Variants in RPS6KC1 observed in about 807,000 individuals in gnomAD.
The protein encoded by RPS6KC1 is inactive ribosomal protein S6 kinase delta-1.
In RPS6KC1, 54 loss-of-function variants were observed where a neutral mutation model predicts 103.8. The observed-to-expected ratio is 0.52, with a 90% CI of 0.42 to 0.65. The LOEUF is 0.65. Among genes scored for constraint, RPS6KC1 ranks in the 30% least tolerant of loss-of-function variants. The pLI is 0.00. For synonymous variants in RPS6KC1, 439 were observed against 438.7 expected, an observed-to-expected ratio of 1.00 and a Z score of -0.01; for missense variants, 1,151 against 1,253.8, an observed-to-expected ratio of 0.92 and a Z score of 1.24.
At chr1:213,482,097 A>G in the RPS6KC1 span, among the ~76,000 whole-genome samples, 1 of 152,222 alleles carries the variant, frequency 6.6e-6, no homozygotes, top group South Asian at 2.1e-4. Context: ...AGCGAAGTGA[A>G]TGCTGGCACC....
At chr1:213,257,077 C>A (rs1157790141) in intron 12 of RPS6KC1, among the ~76,000 whole-genome samples, 1 of 152,180 alleles carries the variant, frequency 6.6e-6, no homozygotes, top group Non-Finnish European at 1.5e-5. Flanking sequence ...ACTCCATCCC[C>A]TCCCCACATA....
the RPS6KC1 span, among the ~76,000 whole-genome samples, chr1:213,468,997 A>G: frequency 4.6e-5 from 7 of 152,316 alleles, no homozygotes; most frequent in East Asian, 1.4e-3. Flanking sequence ...CACCTCAGAG[A>G]AAGCTTTCCC....
chr1:213,283,704 G>C, the RPS6KC1 span, among the ~76,000 whole-genome samples: 1 of 152,118 alleles, frequency 6.6e-6, no homozygotes, highest in Non-Finnish European at 1.5e-5. Flanking sequence ...CTAGTGCTGG[G>C]CCCTATGCTT....
the RPS6KC1 span, among the ~76,000 whole-genome samples, chr1:213,319,412 A>G: frequency 6.6e-6 from 1 of 151,882 alleles, no homozygotes; most frequent in Non-Finnish European, 1.5e-5. Flanking sequence ...GTAGGCAAGG[A>G]AGACAGCTTA....
the RPS6KC1 span, among the ~76,000 whole-genome samples, chr1:213,809,403 T>G: frequency 6.6e-6 from 1 of 152,024 alleles, no homozygotes; most frequent in Non-Finnish European, 1.5e-5. Context: ...AAGTTTGAGG[T>G]TTTGTGAGAA....
At chr1:213,495,883 A>T in the RPS6KC1 span, among the ~76,000 whole-genome samples, 1 of 152,248 alleles carries the variant, frequency 6.6e-6, no homozygotes, top group Admixed American at 6.5e-5. Context: ...AATACAAGGT[A>T]ATCATAATAA....
chr1:213,618,364 G>A, the RPS6KC1 span, among the ~76,000 whole-genome samples: 2 of 152,176 alleles, frequency 1.3e-5, no homozygotes, highest in African/African-American at 2.4e-5. Flanking sequence ...TGCTCAGGAG[G>A]GGATTTTCAG....
At chr1:213,511,555 G>A in the RPS6KC1 span, among the ~76,000 whole-genome samples, 1 of 152,170 alleles carries the variant, frequency 6.6e-6, no homozygotes, top group East Asian at 1.9e-4. Flanking sequence ...TCCCCCAGCA[G>A]CCCTTTATTC....
chr1:213,825,551 G>T, the RPS6KC1 span, among the ~76,000 whole-genome samples: 1 of 152,148 alleles, frequency 6.6e-6, no homozygotes, highest in African/African-American at 2.4e-5. Context: ...GTGGTGGCCA[G>T]CTCATTTTTG....
At chr1:213,418,545 A>T in the RPS6KC1 span, among the ~76,000 whole-genome samples, 1 of 152,292 alleles carries the variant, frequency 6.6e-6, no homozygotes, top group South Asian at 2.1e-4. Context: ...TTTGTTCATC[A>T]GTTCCTCCTA....
At chr1:213,335,964 A>AT in the RPS6KC1 span, among the ~76,000 whole-genome samples, 1 of 152,178 alleles carries the variant, frequency 6.6e-6, no homozygotes, top group East Asian at 1.9e-4. Flanking sequence ...TTCAAAGGAA[A>AT]TTTTTTAGGA....
the RPS6KC1 span, among the ~76,000 whole-genome samples, chr1:213,704,203 C>T: frequency 2.5e-4 from 38 of 150,928 alleles, no homozygotes; most frequent in African/African-American, 9.7e-5. Context: ...CTGGCTAACA[C>T]GGTGAAACCC....
At chr1:213,320,772 C>T in the RPS6KC1 span, among the ~76,000 whole-genome samples, 1 of 152,336 alleles carries the variant, frequency 6.6e-6, no homozygotes, top group African/African-American at 2.4e-5. Flanking sequence ...TCTGGGGAAC[C>T]AACCCCATCT....
the RPS6KC1 span, among the ~76,000 whole-genome samples, chr1:213,658,861 G>A: frequency 6.6e-6 from 1 of 152,194 alleles, no homozygotes; most frequent in Non-Finnish European, 1.5e-5. Context: ...AACCTTGACT[G>A]GGGTTCTCTG....
chr1:213,107,978 G>C (rs879770241), intron 4 of RPS6KC1, among the ~76,000 whole-genome samples: 3 of 152,110 alleles, frequency 2.0e-5, no homozygotes, highest in African/African-American at 7.2e-5. Context: ...TTATCATTGA[G>C]TTGTAAGAGT....
At chr1:213,414,011 C>T in the RPS6KC1 span, among the ~76,000 whole-genome samples, 1 of 152,170 alleles carries the variant, frequency 6.6e-6, no homozygotes, top group Non-Finnish European at 1.5e-5. Context: ...GTTGACCTTA[C>T]CCAGGGGTCT....
At chr1:213,634,132 A>G in the RPS6KC1 span, among the ~76,000 whole-genome samples, 2 of 152,102 alleles carry the variant, frequency 1.3e-5, no homozygotes, top group African/African-American at 2.4e-5. Flanking sequence ...TAATAGTGGG[A>G]GACTTTAACA....
chr1:213,391,259 A>G, the RPS6KC1 span, among the ~76,000 whole-genome samples: 9 of 152,162 alleles, frequency 5.9e-5, no homozygotes, highest in Admixed American at 1.3e-4. Context: ...CAAACAGCCA[A>G]CGAGGGCCAT....
At chr1:213,741,675 A>G in the RPS6KC1 span, among the ~76,000 whole-genome samples, 2 of 152,104 alleles carry the variant, frequency 1.3e-5, no homozygotes, top group Non-Finnish European at 2.9e-5. Flanking sequence ...AACACTGCTT[A>G]TTGGTTTTCA....
Sources: gnomAD v4.1 joint callset for allele counts (sites outside exome capture counted in the v4.1 genomes callset) on GRCh38, gnomAD v4.1.1 for gene constraint, MANE v1.5 for transcripts, NCBI Gene and HGNC (gene_info 2026-07-23, HGNC 2026-07-21) for gene names.